The following RPN2 variants were observed in gnomAD, a reference collection of about 807,000 sequenced individuals.
RPN2 encodes dolichyl-diphosphooligosaccharide--protein glycosyltransferase subunit 2.
A neutral mutation model predicts 71.4 loss-of-function variants in RPN2; 29 were observed. That is an observed-to-expected ratio of 0.41 (90% confidence interval 0.30 to 0.55). The LOEUF is 0.55. Among genes scored for constraint, RPN2 ranks in the 20% least tolerant of loss-of-function variants. The pLI, the probability that RPN2 is intolerant of heterozygous loss-of-function variation, is 0.35. For synonymous variants in RPN2, 308 were observed against 305.0 expected (o/e 1.01, Z -0.10); for missense variants, 726 against 774.1 (o/e 0.94, Z 0.74).
chr20:37,223,129 C>T (rs1054774091), intron 9 of RPN2, among the ~76,000 whole-genome samples: 6 of 152,214 alleles, frequency 3.9e-5, no homozygotes, highest in African/African-American at 1.4e-4. Context: ...GAGAGAATCA[C>T]ACATTGATTC....
chr20:37,203,829 GT>G, intron 4 of RPN2, 55 bp from the exon 5 acceptor site: 1 of 1,185,748 alleles, frequency 8.4e-7, no homozygotes, highest in Non-Finnish European at 1.3e-6. Flanking sequence ...ACGGGAAGGG[GT>G]GAGTGGATGA....
At chr20:37,233,922 A>G in intron 14 of RPN2, 98 bp from the exon 15 acceptor site, 1 of 1,331,918 alleles carries the variant, frequency 7.5e-7, no homozygotes, top group Non-Finnish European at 1.1e-6. Flanking sequence ...TGAACTTTGA[A>G]GCCTTGGGGC....
chr20:37,195,481 A>C (rs577275480), intron 2 of RPN2, among the ~76,000 whole-genome samples: 1 of 152,308 alleles, frequency 6.6e-6, no homozygotes, highest in South Asian at 2.1e-4. Flanking sequence ...TCCCCTAGTT[A>C]AAAGCTGAGT....
At chr20:37,235,793 G>T (rs577465048) in intron 15 of RPN2, among the ~76,000 whole-genome samples, 2 of 152,098 alleles carry the variant, frequency 1.3e-5, no homozygotes, top group South Asian at 4.2e-4. Context: ...TGGGATTATA[G>T]GCCTGCGCCA....
chr20:37,220,274 A>G (rs1354757529), intron 9 of RPN2, among the ~76,000 whole-genome samples: 3 of 151,990 alleles, frequency 2.0e-5, no homozygotes, highest in African/African-American at 4.8e-5. Context: ...TAATTTCAGT[A>G]ATAATCACAC....
intron 6 of RPN2, among the ~76,000 whole-genome samples, chr20:37,205,385 A>G (rs1247670462): frequency 3.3e-5 from 5 of 152,138 alleles, no homozygotes; most frequent in Admixed American, 3.3e-4. Context: ...ACATCCGCCA[A>G]GAGTTCATTC....
At chr20:37,189,549 T>C (rs1416635511) in intron 2 of RPN2, among the ~76,000 whole-genome samples, 1 of 152,250 alleles carries the variant, frequency 6.6e-6, no homozygotes, top group African/African-American at 2.4e-5. Context: ...TCTCCGTTTC[T>C]GCCCAATGTT....
chr20:37,217,641 A>G (rs556525604), intron 9 of RPN2, among the ~76,000 whole-genome samples: 19 of 152,124 alleles, frequency 1.2e-4, no homozygotes, highest in Admixed American at 1.2e-3. Context: ...ACTTAGAGGA[A>G]GAAAAGGATA....
chr20:37,189,760 T>C (rs1456436816), intron 2 of RPN2, among the ~76,000 whole-genome samples: 1 of 152,244 alleles, frequency 6.6e-6, no homozygotes, highest in African/African-American at 2.4e-5. Flanking sequence ...CCTCACTGAA[T>C]CATTGTAAGA....
chr20:37,214,472 C>G (rs572867703), intron 9 of RPN2, among the ~76,000 whole-genome samples: 1 of 152,036 alleles, frequency 6.6e-6, no homozygotes, highest in Non-Finnish European at 1.5e-5. Flanking sequence ...TGAAATTTAC[C>G]CCATCTGGCA....
chr20:37,201,720 A>T (rs1434900616), intron 4 of RPN2, among the ~76,000 whole-genome samples: 1 of 152,140 alleles, frequency 6.6e-6, no homozygotes, highest in Non-Finnish European at 1.5e-5. Context: ...GTGAAATCCA[A>T]CTGGTAGGTT....
intron 1 of RPN2, among the ~76,000 whole-genome samples, chr20:37,182,064 ATTTTTTC>A (rs1201332581): frequency 6.6e-6 from 1 of 151,536 alleles, no homozygotes; most frequent in Non-Finnish European, 1.5e-5. Context: ...CACGTGATAG[ATTTTTTC>A]TTTTTTTAAT....
chr20:37,191,407 A>G (rs543312685), intron 2 of RPN2, among the ~76,000 whole-genome samples: 35 of 152,032 alleles, frequency 2.3e-4, no homozygotes, highest in African/African-American at 7.5e-4. Context: ...ACCCAGAGGC[A>G]GAGGTTTTGC....
intron 9 of RPN2, among the ~76,000 whole-genome samples, chr20:37,223,552 G>A (rs562601643): frequency 1.3e-5 from 2 of 152,130 alleles, no homozygotes; most frequent in Admixed American, 1.3e-4. Context: ...TTGAATGAAA[G>A]GTACTGCTTA....
intron 9 of RPN2, among the ~76,000 whole-genome samples, chr20:37,223,101 G>A (rs908990077): frequency 3.3e-5 from 5 of 152,222 alleles, no homozygotes; most frequent in African/African-American, 7.2e-5. Flanking sequence ...TGGACATTGT[G>A]TCCATGTCAG....
chr20:37,198,650 A>G (rs941621486), intron 3 of RPN2, among the ~76,000 whole-genome samples, 158 bp downstream of exon 3: 28 of 151,804 alleles, frequency 1.8e-4, no homozygotes, highest in African/African-American at 6.5e-4. Context: ...AAGAAAGTAT[A>G]GTTTATGTTT....
intron 8 of RPN2, among the ~76,000 whole-genome samples, chr20:37,212,258 G>A (rs1361909679): frequency 6.6e-6 from 1 of 151,960 alleles, no homozygotes; most frequent in African/African-American, 2.4e-5. Flanking sequence ...CAGCCTGGGT[G>A]ACAGAGGGAG....
At chr20:37,241,225 T>G in intron 16 of RPN2, 78 bp from the exon 17 acceptor site, 9 of 1,548,674 alleles carry the variant, frequency 5.8e-6, no homozygotes, top group Non-Finnish European at 8.0e-6. Flanking sequence ...CCTTAGTCTC[T>G]CTGTTGTCAC....
At chr20:37,200,631 G>T in intron 4 of RPN2, 1 of 396,238 alleles carries the variant, frequency 2.5e-6, no homozygotes, top group Non-Finnish European at 5.2e-6. Context: ...ACAGGCAATT[G>T]ACATTCCCTC....
Sources: allele counts gnomAD v4.1 joint callset (sites outside exome capture counted in the v4.1 genomes callset), GRCh38; gene constraint gnomAD v4.1.1; transcripts MANE v1.5; gene names NCBI Gene and HGNC (gene_info 2026-07-23, HGNC 2026-07-21).